ZYG11B: variants seen among roughly 807,000 people sequenced by gnomAD.
ZYG11B encodes the protein protein zyg-11 homolog B.
A neutral mutation model predicts 82.4 loss-of-function variants in ZYG11B; 36 were observed. The ratio of observed to expected loss-of-function variants is 0.44; its 90% CI spans 0.33 to 0.58. The LOEUF (loss-of-function observed/expected upper bound fraction) is 0.58, where lower values mean the gene tolerates loss of function less well. Ranked by LOEUF, ZYG11B falls within the 20% of genes least tolerant of loss-of-function variation. The pLI, the probability that ZYG11B is intolerant of heterozygous loss-of-function variation, is 0.02. For missense variants in ZYG11B, 552 were observed against 895.6 expected (o/e 0.62, Z 4.90); for synonymous variants, 303 against 312.8 (o/e 0.97, Z 0.33).
intron 6 of ZYG11B, among the ~76,000 whole-genome samples, chr1:52,795,758 C>G (rs1273996326): frequency 1.3e-5 from 2 of 152,138 alleles, no homozygotes; most frequent in Non-Finnish European, 2.9e-5. Flanking sequence ...AGTACCTAAT[C>G]ATACTATATA....
chr1:52,761,000 T>A (rs1429528748), intron 2 of ZYG11B, among the ~76,000 whole-genome samples: 1 of 152,106 alleles, frequency 6.6e-6, no homozygotes, highest in African/African-American at 2.4e-5. Flanking sequence ...TGACATCAAA[T>A]GATGCACCTG....
At chr1:52,772,146 T>G in intron 3 of ZYG11B, 1 of 1,270,990 alleles carries the variant, frequency 7.9e-7, no homozygotes, top group Non-Finnish European at 1.1e-6. Flanking sequence ...TTGTTTTTGT[T>G]TTATTTTAGT....
Position 52,801,965 on chromosome 1 carries a change from C to T in ZYG11B, c.1632C>T (p.Phe544=). Residue 544 remains phenylalanine, a synonymous_variant, in exon 9 of 14, where the codon TTC becomes TTT. Transcript: ENST00000294353. ...HFIENQGLEL[F]MRVLESFPTE... is the part of the protein sequence containing the mutation. ...TTGAAAACCAAGGGTTAGAACTCTT[C>T]ATGAGGGTTCTAGAGGTTAGAATGG... The T allele has an allele frequency of 1.2e-6, 2 of 1,606,346 alleles. No individual in the cohort carries two copies. Among genetic ancestry groups the T allele is most frequent in the South Asian group, 1.1e-5 (1 of 87,908 alleles).
intron 13 of ZYG11B, among the ~76,000 whole-genome samples, chr1:52,821,212 G>A (rs2149969654): frequency 6.6e-6 from 1 of 151,936 alleles, no homozygotes; most frequent in East Asian, 1.9e-4. Flanking sequence ...CATGTCTTGA[G>A]GTTAGAAAAA....
At chr1:52,819,526 G>A (rs938967778) in intron 13 of ZYG11B, among the ~76,000 whole-genome samples, 13 of 152,086 alleles carry the variant, frequency 8.5e-5, no homozygotes, top group African/African-American at 3.1e-4. Flanking sequence ...GGTGGCTCAC[G>A]CCTGTATTCC....
At position 52,824,839 on chromosome 1, in the gene ZYG11B, A is replaced by G. The variant is rs1357445894; in HGVS notation, c.*3210A>G. On this transcript the variant is annotated 3_prime_UTR_variant, in exon 14 of 14. Transcript: ENST00000294353. ...TAGCCAGTATCTATAGTTAGAATCTACAAGGCCTCCTTTTTGCACCTGTAG... is the reference window on the plus strand; with the variant it reads ...TAGCCAGTATCTATAGTTAGAATCTGCAAGGCCTCCTTTTTGCACCTGTAG... The G allele has an allele frequency of 6.6e-6, 1 of 152,130 alleles. No homozygotes were observed. The highest frequency in any genetic ancestry group is 1.5e-5 in the Non-Finnish European group (1 of 68,014). The allele number at this position is 152,130 out of a possible 1,614,324, so 9.4% of individuals were successfully genotyped here.
chr1:52,744,571 G>A (rs1465914595), intron 1 of ZYG11B, among the ~76,000 whole-genome samples: 1 of 152,142 alleles, frequency 6.6e-6, no homozygotes, highest in Admixed American at 6.6e-5. Context: ...GGCTGGGTAC[G>A]CTAGCTCACG....
intron 13 of ZYG11B, among the ~76,000 whole-genome samples, chr1:52,818,838 G>T (rs1645256829): frequency 1.3e-5 from 2 of 148,528 alleles, no homozygotes; most frequent in African/African-American, 2.5e-5. Context: ...CTGTTGCCCA[G>T]GCTGGAGTGC....
rs577619020 is a variant in ZYG11B at position 52,765,376 on chromosome 1, A to T, written c.197-5644A>T. On this transcript the variant is annotated intron_variant, in intron 2 of 13. Transcript: ENST00000294353. Reference sequence around the variant, plus strand: ...TGCCACCAACATCTGACTAATTTTTAAAAATTTGTAATGGAGATGATGTCT... The same window carrying T: ...TGCCACCAACATCTGACTAATTTTTTAAAATTTGTAATGGAGATGATGTCT... Among the ~76,000 whole-genome samples, 412 of 151,462 alleles carry T rather than the reference A, an allele frequency of 2.7e-3. 3 individuals carry two copies. Among genetic ancestry groups the T allele is most frequent in the African/African-American group, 9.5e-3 (393 of 41,252 alleles).
At chr1:52,795,781 A>C (rs1055591402) in intron 6 of ZYG11B, among the ~76,000 whole-genome samples, 1 of 152,080 alleles carries the variant, frequency 6.6e-6, no homozygotes, top group African/African-American at 2.4e-5. Flanking sequence ...TTACGTATTT[A>C]TCTGATTTAT....
At chr1:52,802,269 G>A in intron 10 of ZYG11B, 130 bp downstream of exon 10, 1 of 677,908 alleles carries the variant, frequency 1.5e-6, no homozygotes, top group Non-Finnish European at 2.4e-6. Flanking sequence ...ATTGCTAATT[G>A]AGAACTATTC....
intron 10 of ZYG11B, among the ~76,000 whole-genome samples, chr1:52,810,523 C>T (rs1189368813): frequency 6.6e-6 from 1 of 152,194 alleles, no homozygotes; most frequent in African/African-American, 2.4e-5. Flanking sequence ...GTCTGTATCC[C>T]TGTGCTACAG....
In ZYG11B at chr1:52,726,640, A is replaced by C. The variant is rs1330461062; in HGVS notation, c.-14A>C. 2.0e-6 allele frequency: 3 copies of C among 1,463,548 alleles called. No homozygotes were observed. Among genetic ancestry groups the C allele is most frequent in the Non-Finnish European group, 2.7e-6 (3 of 1,113,796 alleles). The allele number at this position is 1,463,548 out of a possible 1,614,324, so 90.7% of individuals were successfully genotyped here. On this transcript the variant is annotated 5_prime_UTR_variant, in exon 1 of 14. Coordinates refer to ENST00000294353, the MANE Select transcript of ZYG11B (RefSeq NM_024646.3). ...TCCGGTCCGGCCCGCCGCCGCACCCAGGACGGAGGCTGCATGCCCGAGGAC... is the reference window on the plus strand; with the variant it reads ...TCCGGTCCGGCCCGCCGCCGCACCCCGGACGGAGGCTGCATGCCCGAGGAC...
At chr1:52,816,016 A>G (rs1183350394) in intron 12 of ZYG11B, among the ~76,000 whole-genome samples, 1 of 152,050 alleles carries the variant, frequency 6.6e-6, no homozygotes, top group Non-Finnish European at 1.5e-5. Context: ...ATAACTTGAT[A>G]ATTAAATTAC....
chr1:52,736,275 TTTTA>T (rs58123684), intron 1 of ZYG11B, among the ~76,000 whole-genome samples: 75,103 of 149,368 alleles, frequency 0.5, 18,972 homozygotes, highest in East Asian at 0.62. Flanking sequence ...AATGAAAGTG[TTTTA>T]TTTATTTATT....
intron 6 of ZYG11B, among the ~76,000 whole-genome samples, chr1:52,791,848 C>T (rs1277633936): frequency 6.6e-6 from 1 of 152,158 alleles, no homozygotes; most frequent in African/African-American, 2.4e-5. Flanking sequence ...AACCTCTGTG[C>T]TCATCATCGT....
intron 2 of ZYG11B, among the ~76,000 whole-genome samples, chr1:52,764,243 C>T (rs1644661257): frequency 6.6e-6 from 1 of 152,042 alleles, no homozygotes; most frequent in African/African-American, 2.4e-5. Flanking sequence ...CCTGCCTCAG[C>T]CCCCTGAGTA....
intron 2 of ZYG11B, among the ~76,000 whole-genome samples, chr1:52,760,678 G>A (rs568688497): frequency 1.5e-4 from 22 of 151,150 alleles, no homozygotes; most frequent in Non-Finnish European, 3.2e-4. Flanking sequence ...GGCTGGTCTC[G>A]AACTCCTGGC....
intron 6 of ZYG11B, 111 bp downstream of exon 6, chr1:52,790,178 T>C: frequency 1.5e-6 from 1 of 654,954 alleles, no homozygotes. Context: ...ATTGAATAGA[T>C]AGAATTGTGG....
Sources: gnomAD v4.1 joint callset for allele counts (sites outside exome capture counted in the v4.1 genomes callset) on GRCh38, gnomAD v4.1.1 for gene constraint, MANE v1.5 for transcripts, NCBI Gene and HGNC (gene_info 2026-07-23, HGNC 2026-07-21) for gene names.